Variants in HDAC9 observed in about 807,000 individuals in gnomAD.
The protein encoded by HDAC9 is MEF-2 interacting transcription repressor (MITR) protein.
HDAC9 carries 41 observed loss-of-function variants against 139.4 expected under a neutral mutation model. The observed-to-expected ratio is 0.29, with a 90% CI of 0.23 to 0.38. The LOEUF (loss-of-function observed/expected upper bound fraction) is 0.38. HDAC9 is among the 10% of genes least tolerant of loss of function. The pLI is 1.00. For synonymous variants in HDAC9, 517 were observed against 476.2 expected (o/e 1.09, Z -1.12); for missense variants, 1,147 against 1,297.0 (o/e 0.88, Z 1.78).
chr7:18,157,128 A>G (rs145689153), intron 1 of HDAC9, among the ~76,000 whole-genome samples: 142 of 152,310 alleles, frequency 9.3e-4, no homozygotes, highest in African/African-American at 3.2e-3. Context: ...AGAAAAGGTA[A>G]TAGTATCCTT....
At chr7:18,592,384 A>G (rs1195336564) in intron 5 of HDAC9, among the ~76,000 whole-genome samples, 1 of 152,170 alleles carries the variant, frequency 6.6e-6, no homozygotes, top group East Asian at 1.9e-4. Flanking sequence ...TCAATAAAAT[A>G]TAGAGGATGT....
intron 1 of HDAC9, among the ~76,000 whole-genome samples, chr7:18,309,519 T>C (rs534963383): frequency 6.8e-4 from 104 of 152,310 alleles, no homozygotes; most frequent in African/African-American, 2.1e-3. Flanking sequence ...ATAACATCCT[T>C]CCATTCTCCC....
At chr7:18,410,480 C>T (rs1585702130) in intron 1 of HDAC9, among the ~76,000 whole-genome samples, 1 of 152,060 alleles carries the variant, frequency 6.6e-6, no homozygotes, top group East Asian at 1.9e-4. Context: ...GTTTTCTGAG[C>T]GTGACAATTG....
chr7:18,753,877 CT>C (rs1788657122), intron 14 of HDAC9, among the ~76,000 whole-genome samples: 1 of 152,054 alleles, frequency 6.6e-6, no homozygotes, highest in Non-Finnish European at 1.5e-5. Flanking sequence ...AGCTGTAATA[CT>C]GTCTGACACT....
intron 6 of HDAC9, among the ~76,000 whole-genome samples, chr7:18,609,011 T>C (rs546482063): frequency 4.6e-5 from 7 of 152,306 alleles, no homozygotes; most frequent in Admixed American, 4.6e-4. Context: ...GTTATTATTA[T>C]TATTTTTTTG....
chr7:18,637,261 A>G (rs1784177346), intron 8 of HDAC9, among the ~76,000 whole-genome samples: 1 of 152,122 alleles, frequency 6.6e-6, no homozygotes, highest in Non-Finnish European at 1.5e-5. Context: ...TTACTAAAGA[A>G]GATACATATA....
Position 18,910,200 on chromosome 7 carries a change from TG to T in HDAC9, c.2804-25608del, listed in dbSNP as rs199575590. Among the ~76,000 whole-genome samples the T allele has an allele frequency of 8.5e-3, 1,297 of 152,142 alleles. 25 individuals carry two copies. Among genetic ancestry groups the T allele is most frequent in the African/African-American group, 0.029 (1,222 of 41,550 alleles). On this transcript the variant is annotated intron_variant, in intron 22 of 25. Transcript: ENST00000686413. ...ATTCATCCAATTCATAAACATGGGA[TG>T]TTTTTTACTTTCTGTGTCTTCTTCA...
chr7:18,399,621 T>G (rs1787359363), intron 1 of HDAC9, among the ~76,000 whole-genome samples: 1 of 152,302 alleles, frequency 6.6e-6, no homozygotes, highest in South Asian at 2.1e-4. Flanking sequence ...TATGCAAGGC[T>G]TCTTTTCCCC....
chr7:18,123,541 G>C (rs139068932), intron 1 of HDAC9, among the ~76,000 whole-genome samples: 9 of 152,038 alleles, frequency 5.9e-5, no homozygotes, highest in Non-Finnish European at 1.3e-4. Flanking sequence ...ATTTCTATTG[G>C]GAAAATGCAT....
At chr7:18,972,640 C>G (rs1035353284) in intron 24 of HDAC9, among the ~76,000 whole-genome samples, 68 of 152,074 alleles carry the variant, frequency 4.5e-4, no homozygotes, top group African/African-American at 1.5e-3. Flanking sequence ...TTCAGCCTCC[C>G]AAAGTGCTGG....
chr7:18,338,639 G>A lies in HDAC9; in HGVS notation c.-42+48124G>A, dbSNP rs529643279. ...ATGATAAATCAATCTTGCATTATTG[G>A]GATAAATCCTACTTGGTCAAGGTAT... On this transcript the variant is annotated intron_variant, in intron 1 of 3. Coordinates refer to the HDAC9 transcript ENST00000413509. 5.8e-3 allele frequency among the ~76,000 whole-genome samples: 873 copies of A among 151,232 alleles called. 4 individuals carry two copies. Among genetic ancestry groups the A allele is most frequent in the Non-Finnish European group, 0.01 (678 of 67,570 alleles).
At chr7:18,595,441 T>C (rs1314703721) in intron 6 of HDAC9, among the ~76,000 whole-genome samples, 3 of 152,054 alleles carry the variant, frequency 2.0e-5, no homozygotes, top group African/African-American at 7.2e-5. Context: ...TGAAAAGTGA[T>C]CCATAAAGGA....
At chr7:18,745,526 C>G (rs774200717) in intron 13 of HDAC9, among the ~76,000 whole-genome samples, 16 of 144,874 alleles carry the variant, frequency 1.1e-4, no homozygotes, top group Non-Finnish European at 2.2e-4. Flanking sequence ...ATTAGACTCT[C>G]TACTCTTTTT....
intron 2 of HDAC9, among the ~76,000 whole-genome samples, chr7:18,282,708 C>T (rs1011887926): frequency 1.8e-4 from 27 of 151,982 alleles, no homozygotes; most frequent in Non-Finnish European, 2.2e-4. Flanking sequence ...ACCAATCCAC[C>T]GGGGGAAAAA....
chr7:18,928,061 A>T (rs1268279870), intron 22 of HDAC9, among the ~76,000 whole-genome samples: 1 of 152,210 alleles, frequency 6.6e-6, no homozygotes, highest in African/African-American at 2.4e-5. Flanking sequence ...ATCATGATCG[A>T]GGTATCTTTC....
chr7:18,482,439 C>T (rs1005823019), intron 1 of HDAC9, among the ~76,000 whole-genome samples: 14 of 126,920 alleles, frequency 1.1e-4, no homozygotes, highest in Admixed American at 4.3e-4. Context: ...TGCCACGTCT[C>T]AGGGATTTTT....
At chr7:18,185,728 T>C (rs962865180) in intron 2 of HDAC9, among the ~76,000 whole-genome samples, 3 of 152,234 alleles carry the variant, frequency 2.0e-5, no homozygotes, top group African/African-American at 4.8e-5. Flanking sequence ...TTCCAACTTA[T>C]GAATTGAAAC....
intron 22 of HDAC9, among the ~76,000 whole-genome samples, chr7:18,886,375 A>G (rs1271347890): frequency 6.6e-6 from 1 of 152,240 alleles, no homozygotes; most frequent in Non-Finnish European, 1.5e-5. Flanking sequence ...GCTTATGAAA[A>G]GAAAATATGT....
chr7:18,912,171 G>A (rs1260534515), intron 22 of HDAC9, among the ~76,000 whole-genome samples: 2 of 151,934 alleles, frequency 1.3e-5, no homozygotes, highest in African/African-American at 4.8e-5. Context: ...GTGCTCCAGT[G>A]TTGGGTATTT....
Sources: gnomAD v4.1 joint callset for allele counts (sites outside exome capture counted in the v4.1 genomes callset) on GRCh38, gnomAD v4.1.1 for gene constraint, MANE v1.5 for transcripts, NCBI Gene and HGNC (gene_info 2026-07-23, HGNC 2026-07-21) for gene names.